Variants in ABCB5 observed in about 807,000 individuals in gnomAD.
The protein encoded by ABCB5 is ATP-binding cassette sub-family B member 5.
ABCB5 carries 155 observed loss-of-function variants against 144.2 expected under a neutral mutation model. The observed-to-expected ratio is 1.08, with a 90% CI of 0.94 to 1.23. ABCB5 has a LOEUF of 1.23. ABCB5 is among the 50% of genes most tolerant of loss of function. The pLI is 0.00. For synonymous variants in ABCB5, 610 were observed against 528.6 expected (o/e 1.15, Z -2.11); for missense variants, 1,830 against 1,520.8 (o/e 1.20, Z -3.38).
chr7:20,640,473 T>G (rs1036784681), intron 5 of ABCB5, among the ~76,000 whole-genome samples: 1 of 152,156 alleles, frequency 6.6e-6, no homozygotes, highest in Admixed American at 6.5e-5. Flanking sequence ...GTTTTCTAGA[T>G]AGGGCACGTC....
chr7:20,647,822 T>G, intron 10 of ABCB5, 146 bp from the exon 11 acceptor site: 1 of 1,174,800 alleles, frequency 8.5e-7, no homozygotes, highest in South Asian at 1.4e-5. Flanking sequence ...TTGTGTTGTA[T>G]TGAAACCTTC....
intron 23 of ABCB5, among the ~76,000 whole-genome samples, chr7:20,735,349 A>T (rs543359605): frequency 6.6e-6 from 1 of 152,324 alleles, no homozygotes; most frequent in South Asian, 2.1e-4. Flanking sequence ...GAGTATTAAC[A>T]GTGGGTCGAT....
chr7:20,725,726 TTG>T (rs1195697151), intron 21 of ABCB5, among the ~76,000 whole-genome samples: 1 of 152,240 alleles, frequency 6.6e-6, no homozygotes, highest in African/African-American at 2.4e-5. Flanking sequence ...TTCATTCCTT[TTG>T]TTTTTCCTCA....
rs746770447 is a variant in ABCB5 at position 20,704,781 on chromosome 7, G to C, written c.2395G>C (p.Ala799Pro). 6.2e-7 allele frequency: 1 copy of C among 1,613,572 alleles called. No individual in the cohort carries two copies. Among genetic ancestry groups the C allele is most frequent in the Non-Finnish European group, 8.5e-7 (1 of 1,179,668 alleles). ...NSTGGLTTIL[A>P]IDIAQIQGAT... ...CACAGGAGGCTTGACAACAATATTA[G>C]CCATAGATATAGCACAAATTCAAGG... The change falls in exon 20 of 28, where the codon GCC becomes CCC. Residue 799 changes from alanine to proline, a missense_variant. Coordinates refer to ENST00000404938, the MANE Select transcript of ABCB5 (RefSeq NM_001163941.2).
intron 20 of ABCB5, among the ~76,000 whole-genome samples, chr7:20,711,329 C>T (rs1306316295): frequency 1.3e-5 from 2 of 149,502 alleles, no homozygotes; most frequent in African/African-American, 2.5e-5. Context: ...TTTCTTAAAG[C>T]GTTAAGCTTG....
chr7:20,703,630 A>G (rs1041922415), intron 19 of ABCB5, among the ~76,000 whole-genome samples: 2 of 151,836 alleles, frequency 1.3e-5, no homozygotes, highest in African/African-American at 4.8e-5. Context: ...TTTGTTCTTT[A>G]CTCACTAAAA....
chr7:20,673,768 A>T (rs1440542934), intron 14 of ABCB5, among the ~76,000 whole-genome samples: 1 of 151,988 alleles, frequency 6.6e-6, no homozygotes, highest in Admixed American at 6.5e-5. Context: ...TAATCTGATG[A>T]TTGATAGTAT....
intron 26 of ABCB5, among the ~76,000 whole-genome samples, chr7:20,748,439 C>T (rs1433503797): frequency 6.6e-6 from 1 of 151,950 alleles, no homozygotes; most frequent in East Asian, 1.9e-4. Context: ...TACCTATGGT[C>T]AGGAGTTCAA....
rs1247391452 is a variant in ABCB5, at chr7:20,685,868, G to T, written c.2010+32G>T. The T allele has an allele frequency of 3.2e-6, 5 of 1,550,436 alleles. No homozygotes were observed. In the Admixed American group the frequency reaches 8.7e-5, roughly 27 times the overall value. The stretch of plus-strand genomic sequence containing the variant: ...GCTCAGCGATCAACCAGTTTTTCCT[G>T]CATGTTTTCTAATTTTGATTTAATC... On this transcript the variant is annotated intron_variant, in intron 16 of 27. Coordinates refer to ENST00000404938, the MANE Select transcript of ABCB5 (RefSeq NM_001163941.2).
intron 20 of ABCB5, among the ~76,000 whole-genome samples, chr7:20,716,868 A>G (rs10259000): frequency 0.029 from 4,482 of 152,280 alleles, 204 homozygotes; most frequent in African/African-American, 0.098. Context: ...GCTTTCCCTT[A>G]GGAATTCTAA....
At position 20,713,121 on chromosome 7, in the gene ABCB5, T is replaced by C. The variant is rs188066600; in HGVS notation, c.2421+8314T>C. 1.4e-3 allele frequency among the ~76,000 whole-genome samples: 207 copies of C among 150,008 alleles called. 16 individuals are homozygous for C. Among genetic ancestry groups the C allele is most frequent in the African/African-American group, 4.8e-3 (195 of 40,668 alleles). ...CTATGAGTTTGGCTTTTTTAGATTC[T>C]ACATATAAGTGAGATCATGTGGCAT... On this transcript the variant is annotated intron_variant, in intron 20 of 27. Coordinates refer to ENST00000404938, the MANE Select transcript of ABCB5 (RefSeq NM_001163941.2).
At chr7:20,676,161 TACACATACACACAC>T (rs1785596547) in intron 14 of ABCB5, among the ~76,000 whole-genome samples, 5 of 95,860 alleles carry the variant, frequency 5.2e-5, no homozygotes, top group African/African-American at 1.6e-4. Flanking sequence ...GCAATTCTAC[TACACATACACACAC>T]ACACACACAC....
chr7:20,670,023 C>T (rs1476408489), intron 14 of ABCB5, among the ~76,000 whole-genome samples: 1 of 152,116 alleles, frequency 6.6e-6, no homozygotes. Flanking sequence ...ACAAATCAGA[C>T]GAACTCAAAT....
rs544535719 is a variant in ABCB5 at position 20,755,774 on chromosome 7, T to C, written c.*150T>C. 3.7e-5 allele frequency: 28 copies of C among 752,294 alleles called. No individual in the cohort carries two copies. In the East Asian group the frequency reaches 7.7e-4, roughly 21 times the overall value. The allele number at this position is 752,294 out of a possible 1,614,324, so 46.6% of individuals were successfully genotyped here. ...ACATACATGTTCTATTCACACACCA[T>C]CTGACCTTCAGATTTTTAAAAGGAA... is the stretch of plus-strand genomic sequence containing the variant. On this transcript the variant is annotated 3_prime_UTR_variant, in exon 28 of 28. Coordinates refer to ENST00000404938, the MANE Select transcript of ABCB5 (RefSeq NM_001163941.2).
At position 20,728,371 on chromosome 7, in the gene ABCB5, T is replaced by C; in HGVS notation, c.2783T>C (p.Phe928Ser). The change falls in exon 23 of 28, where the codon TTT (phenylalanine) becomes TCT (serine). Residue 928 changes from phenylalanine to serine, a missense_variant. Transcript: ENST00000404938. ...AGCTGTTATGCATTCAGCCATGCCT[T>C]TATATATTTTGCCTATGCGGCAGGG... The part of the protein sequence containing the change: ...IGSCYAFSHA[F>S]IYFAYAAGFR... 1 of 1,614,148 alleles carries C rather than the reference T, an allele frequency of 6.2e-7. No individual in the cohort carries two copies. The highest frequency in any genetic ancestry group is 1.3e-5 in the African/African-American group (1 of 75,048).
In ABCB5 at chr7:20,739,038, G is replaced by T; in HGVS notation, c.2923G>T (p.Ala975Ser). 1 of 1,611,850 alleles carries T rather than the reference G, an allele frequency of 6.2e-7. No individual in the cohort carries two copies. Among genetic ancestry groups the T allele is most frequent in the Non-Finnish European group, 8.5e-7 (1 of 1,179,030 alleles). The change falls in exon 24 of 28, where the codon GCT becomes TCT. Residue 975 changes from alanine (A) to serine (S), a missense_variant. By Grantham distance (99) the Ala-to-Ser change is moderately conservative (BLOSUM62 1). Transcript: ENST00000404938. ...GGCCATCGGAGAAACGCTCGTTTTGGCTCCTGAATATTCCAAAGCCAAATC... is the reference window on the plus strand; with the variant it reads ...GGCCATCGGAGAAACGCTCGTTTTGTCTCCTGAATATTCCAAAGCCAAATC... Reference protein sequence around the residue: ...AMAIGETLVLAPEYSKAKSGA... With the variant: ...AMAIGETLVLSPEYSKAKSGA...
intron 16 of ABCB5, among the ~76,000 whole-genome samples, chr7:20,695,327 T>A (rs1250208441): frequency 6.6e-6 from 1 of 151,806 alleles, no homozygotes; most frequent in East Asian, 1.9e-4. Context: ...ACAATTTTTT[T>A]TTTCAAAAAA....
intron 16 of ABCB5, among the ~76,000 whole-genome samples, chr7:20,690,267 C>A (rs940331340): frequency 2.0e-5 from 3 of 152,094 alleles, no homozygotes; most frequent in African/African-American, 4.8e-5. Context: ...TATAACATTG[C>A]CCTTATAGAT....
At chr7:20,666,937 C>G in intron 14 of ABCB5, 2 of 1,188,948 alleles carry the variant, frequency 1.7e-6, no homozygotes, top group Non-Finnish European at 2.2e-6. Flanking sequence ...CTGCCAAAAT[C>G]TCTTCTGTGT....
Sources: allele counts gnomAD v4.1 joint callset (sites outside exome capture counted in the v4.1 genomes callset), GRCh38; gene constraint gnomAD v4.1.1; transcripts MANE v1.5; gene names NCBI Gene and HGNC (gene_info 2026-07-23, HGNC 2026-07-21).